Variants in SDC2 observed in about 807,000 individuals in gnomAD.
SDC2 encodes the protein syndecan-2.
SDC2 carries 13 observed loss-of-function variants against 22.2 expected under a neutral mutation model. The observed-to-expected ratio is 0.59, with a 90% CI of 0.38 to 0.93. The LOEUF (loss-of-function observed/expected upper bound fraction) is 0.93. Ranked by LOEUF, SDC2 falls within the 40% of genes least tolerant of loss-of-function variation. The probability of loss-of-function intolerance (pLI) is 0.00; values close to 1 mark genes in which losing one functional copy is unlikely to be tolerated. For missense variants in SDC2, 235 were observed against 246.8 expected (o/e 0.95, Z 0.32); for synonymous variants, 94 against 92.8 (o/e 1.01, Z -0.07).
intron 4 of SDC2, among the ~76,000 whole-genome samples, chr8:96,608,774 T>G (rs1368183811): frequency 6.6e-6 from 1 of 152,126 alleles, no homozygotes; most frequent in Non-Finnish European, 1.5e-5. Context: ...AGTGTGGAGA[T>G]CCATCAGTCT....
chr8:96,542,810 G>A (rs1212350798), intron 1 of SDC2, among the ~76,000 whole-genome samples: 1 of 152,168 alleles, frequency 6.6e-6, no homozygotes, highest in Non-Finnish European at 1.5e-5. Context: ...CAGCATGATA[G>A]TTCTAAGTAG....
intron 1 of SDC2, among the ~76,000 whole-genome samples, chr8:96,519,336 A>G (rs1476730263): frequency 6.6e-6 from 1 of 152,182 alleles, no homozygotes; most frequent in African/African-American, 2.4e-5. Flanking sequence ...GTATTAGTAC[A>G]ATTGATTAGT....
rs369194275 is a variant in SDC2 at position 96,552,940 on chromosome 8, G to A, written c.61-40540G>A. ...TACTAAGAGTTTTCTGGTATTGAAT[G>A]AAAAAGAATTGTAGGTATTTCAGGA... On this transcript the variant is annotated intron_variant, in intron 1 of 4. Coordinates refer to ENST00000302190, the MANE Select transcript of SDC2 (RefSeq NM_002998.4). Among the ~76,000 whole-genome samples, 8 of 152,236 alleles carry A rather than the reference G, an allele frequency of 5.3e-5. No homozygotes were observed. In the East Asian group the frequency reaches 1.5e-3, roughly 29 times the overall value.
chr8:96,574,691 A>G (rs922940818), intron 1 of SDC2, among the ~76,000 whole-genome samples: 31 of 152,336 alleles, frequency 2.0e-4, no homozygotes, highest in Admixed American at 1.8e-3. Context: ...TGAAGGTGTT[A>G]AAGTGCTAGG....
At chr8:96,553,809 G>A (rs1814065985) in intron 1 of SDC2, among the ~76,000 whole-genome samples, 2 of 151,500 alleles carry the variant, frequency 1.3e-5, no homozygotes, top group African/African-American at 4.9e-5. Flanking sequence ...TCTCACTCCA[G>A]TTGCCCAGGC....
chr8:96,519,192 ACCCAGAGTG>A (rs1813455763), intron 1 of SDC2, among the ~76,000 whole-genome samples: 9 of 152,086 alleles, frequency 5.9e-5, no homozygotes, highest in Admixed American at 2.6e-4. Flanking sequence ...ATGGAGGCCG[ACCCAGAGTG>A]CCCAGAGTGC....
intron 2 of SDC2, among the ~76,000 whole-genome samples, 159 bp downstream of exon 2, chr8:96,593,750 C>T (rs1814825589): frequency 6.6e-6 from 1 of 152,176 alleles, no homozygotes; most frequent in Admixed American, 6.5e-5. Flanking sequence ...CTCTCTCTGC[C>T]ACTTACGCTG....
In SDC2 at chr8:96,611,365, A is replaced by T. The variant is rs1233050700; in HGVS notation, c.*1817A>T. Reference sequence around the variant, plus strand: ...TTTTCCAACATACAATTTACTTTTAATAAAGTATGAATATTTCATTTTGAG... The same window carrying T: ...TTTTCCAACATACAATTTACTTTTATTAAAGTATGAATATTTCATTTTGAG... On this transcript the variant is annotated 3_prime_UTR_variant, in exon 5 of 5. Transcript: ENST00000302190. 2 of 151,758 alleles carry T rather than the reference A, an allele frequency of 1.3e-5. No individual in the cohort carries two copies. Among genetic ancestry groups the T allele is most frequent in the Admixed American group, 1.3e-4 (2 of 15,102 alleles). 9.4% of individuals were successfully genotyped at this position (151,758 alleles called of 1,614,324 possible). A position where few individuals can be genotyped will look rare whatever the true frequency, so the allele number is the denominator to read the frequency against.
chr8:96,563,630 G>T (rs187301100), intron 1 of SDC2, among the ~76,000 whole-genome samples: 24 of 152,286 alleles, frequency 1.6e-4, no homozygotes, highest in Admixed American at 1.2e-3. Context: ...AATTTGAGAT[G>T]CTGCCGGCCC....
chr8:96,538,973 T>G lies in SDC2; in HGVS notation c.60+44642T>G, dbSNP rs189515482. ...CAGTAACAGGTTGAGCTGTCTTTGA[T>G]TGAGTTAGATTCATGACTGAATATC... On this transcript the variant is annotated intron_variant, in intron 1 of 4. Coordinates refer to ENST00000302190, the MANE Select transcript of SDC2 (RefSeq NM_002998.4). 9.8e-5 allele frequency among the ~76,000 whole-genome samples: 15 copies of G among 152,368 alleles called. 1 individual carries two copies. The highest frequency in any genetic ancestry group is 5.9e-4 in the Admixed American group (9 of 15,306).
chr8:96,508,213 A>G (rs1309116544), intron 1 of SDC2, among the ~76,000 whole-genome samples: 2 of 151,732 alleles, frequency 1.3e-5, no homozygotes, highest in African/African-American at 4.8e-5. Context: ...GGAGAATGGC[A>G]TGAACCCGGG....
chr8:96,595,199 G>A (rs980715091), intron 2 of SDC2, among the ~76,000 whole-genome samples: 21 of 152,266 alleles, frequency 1.4e-4, no homozygotes, highest in Middle Eastern at 3.4e-3. Context: ...ATCTATGTTC[G>A]GTATAACTTT....
At chr8:96,582,907 A>G (rs903661245) in intron 1 of SDC2, among the ~76,000 whole-genome samples, 22 of 152,164 alleles carry the variant, frequency 1.4e-4, no homozygotes, top group African/African-American at 5.3e-4. Flanking sequence ...AGGCGCTAAC[A>G]AGACGGGTTA....
chr8:96,611,270 C>A lies in SDC2; in HGVS notation c.*1722C>A, dbSNP rs1815170944. On this transcript the variant is annotated 3_prime_UTR_variant, in exon 5 of 5. Transcript: ENST00000302190. ...TTTCTGTACTAAACATTTCCTTTTTCTATTTTACCACTAATTTTGTTTTAA... is the reference window on the plus strand; with the variant it reads ...TTTCTGTACTAAACATTTCCTTTTTATATTTTACCACTAATTTTGTTTTAA... 6.6e-6 allele frequency: 1 copy of A among 152,196 alleles called. No homozygotes were observed. The highest frequency in any genetic ancestry group is 1.5e-5 in the Non-Finnish European group (1 of 67,996). 9.4% of individuals were successfully genotyped at this position (152,196 alleles called of 1,614,324 possible).
chr8:96,608,670 C>T (rs1815125244), intron 4 of SDC2, among the ~76,000 whole-genome samples, 200 bp downstream of exon 4: 1 of 152,190 alleles, frequency 6.6e-6, no homozygotes, highest in African/African-American at 2.4e-5. Context: ...CCTACCTCTT[C>T]GCCAGCCATC....
chr8:96,515,526 G>C (rs1320665682), intron 1 of SDC2, among the ~76,000 whole-genome samples: 2 of 152,174 alleles, frequency 1.3e-5, no homozygotes, highest in Admixed American at 6.5e-5. Flanking sequence ...AAGTTCCACT[G>C]TAGAGGGAAA....
chr8:96,501,399 C>G (rs1052012862), intron 1 of SDC2, among the ~76,000 whole-genome samples: 7 of 149,268 alleles, frequency 4.7e-5, no homozygotes, highest in Admixed American at 4.0e-4. Flanking sequence ...CTCCTCCCCC[C>G]GTTCAAGTGA....
chr8:96,537,801 C>T (rs1813777456), intron 1 of SDC2, among the ~76,000 whole-genome samples: 2 of 152,110 alleles, frequency 1.3e-5, no homozygotes, highest in South Asian at 2.1e-4. Flanking sequence ...CTTAAAAATA[C>T]CTGTCAGTTG....
intron 1 of SDC2, among the ~76,000 whole-genome samples, chr8:96,542,810 G>C (rs1212350798): frequency 6.6e-6 from 1 of 152,168 alleles, no homozygotes; most frequent in Non-Finnish European, 1.5e-5. Flanking sequence ...CAGCATGATA[G>C]TTCTAAGTAG....
Sources: gnomAD v4.1 joint callset for allele counts (sites outside exome capture counted in the v4.1 genomes callset) on GRCh38, gnomAD v4.1.1 for gene constraint, MANE v1.5 for transcripts, NCBI Gene and HGNC (gene_info 2026-07-23, HGNC 2026-07-21) for gene names.